CRYBG3: variants seen among roughly 807,000 people sequenced by gnomAD.
CRYBG3 encodes the protein very large A-kinase anchor protein.
A neutral mutation model predicts 244.2 loss-of-function variants in CRYBG3; 127 were observed. The observed-to-expected ratio is 0.52, with a 90% confidence interval of 0.45 to 0.60. The LOEUF is 0.60. CRYBG3 is among the 20% of genes least tolerant of loss of function. The probability of loss-of-function intolerance (pLI) is 0.00; values close to 1 mark genes in which losing one functional copy is unlikely to be tolerated. For missense variants in CRYBG3, 3,325 were observed against 3,442.5 expected (o/e 0.97, Z 0.85); for synonymous variants, 1,132 against 1,195.8 (o/e 0.95, Z 1.10).
In CRYBG3 at chr3:97,873,605, C is replaced by A; in HGVS notation, c.2411C>A (p.Ser804Tyr). The A allele has an allele frequency of 6.5e-7, 1 of 1,534,338 alleles. No homozygotes were observed. Residue 804 changes from serine (S) to tyrosine (Y), a missense_variant, in exon 4 of 22, where the codon TCC becomes TAC. Transcript: ENST00000389622. ...MSIIEKSDSL[S>Y]LEAKTANIVS... Reference sequence around the variant, plus strand: ...ATAATAGAGAAGTCTGATTCTCTTTCCTTGGAAGCCAAAACTGCTAACATT... The same window carrying A: ...ATAATAGAGAAGTCTGATTCTCTTTACTTGGAAGCCAAAACTGCTAACATT...
Position 97,899,950 on chromosome 3 carries a change from A to C in CRYBG3, c.7972-503A>C, listed in dbSNP as rs548075464. Among the ~76,000 whole-genome samples, 27 of 152,344 alleles carry C rather than the reference A, an allele frequency of 1.8e-4. No individual in the cohort carries two copies. In the South Asian group the frequency reaches 3.5e-3, roughly 20 times the overall value. ...TTTTCTTCCACCTACAATATTACTT[A>C]ATATGAATTAGTTATAAATACCAAA... On this transcript the variant is annotated intron_variant, in intron 14 of 21. Coordinates refer to ENST00000389622, the MANE Select transcript of CRYBG3 (RefSeq NM_153605.4).
chr3:97,858,995 T>A (rs766634273), intron 2 of CRYBG3, among the ~76,000 whole-genome samples: 27 of 151,972 alleles, frequency 1.8e-4, no homozygotes, highest in Non-Finnish European at 3.5e-4. Flanking sequence ...ATGTGATACA[T>A]GGTGTCTGGC....
At chr3:97,938,612 A>ATT (rs2040189882) in intron 19 of CRYBG3, among the ~76,000 whole-genome samples, 1 of 151,968 alleles carries the variant, frequency 6.6e-6, no homozygotes. Context: ...TGGCTCTGCC[A>ATT]TTTGTAAGCA....
At chr3:97,871,207 G>A (rs1244900797) in intron 3 of CRYBG3, among the ~76,000 whole-genome samples, 1 of 152,112 alleles carries the variant, frequency 6.6e-6, no homozygotes, top group Non-Finnish European at 1.5e-5. Context: ...TTTTGCATTT[G>A]CCCAAGCAGT....
chr3:97,941,420 GTGT>G, intron 20 of CRYBG3, 114 bp downstream of exon 20: 1 of 683,768 alleles, frequency 1.5e-6, no homozygotes, highest in Non-Finnish European at 2.3e-6. Flanking sequence ...TTAGAAACAG[GTGT>G]TGATTATAAA....
At chr3:97,918,921 T>C (rs1031272196) in intron 17 of CRYBG3, among the ~76,000 whole-genome samples, 2 of 152,158 alleles carry the variant, frequency 1.3e-5, no homozygotes, top group Admixed American at 1.3e-4. Flanking sequence ...TCCACTCACA[T>C]TCTGTTTCCA....
chr3:97,837,454 T>G (rs369222254), intron 1 of CRYBG3, among the ~76,000 whole-genome samples: 2 of 152,268 alleles, frequency 1.3e-5, no homozygotes, highest in East Asian at 3.9e-4. Flanking sequence ...AGATTTGCCC[T>G]GATTCTTTTT....
intron 10 of CRYBG3, among the ~76,000 whole-genome samples, chr3:97,891,865 T>A (rs2039580685): frequency 6.6e-6 from 1 of 152,170 alleles, no homozygotes; most frequent in Non-Finnish European, 1.5e-5. Context: ...GTTTTTCTGC[T>A]AAAGCTTTGG....
intron 1 of CRYBG3, among the ~76,000 whole-genome samples, chr3:97,829,188 GC>G (rs2038620882): frequency 6.6e-6 from 1 of 152,166 alleles, no homozygotes. Flanking sequence ...GAGAGAGAAT[GC>G]ACTACATTAA....
intron 19 of CRYBG3, among the ~76,000 whole-genome samples, chr3:97,937,374 C>A (rs1000128156): frequency 6.6e-6 from 1 of 152,032 alleles, no homozygotes; most frequent in Non-Finnish European, 1.5e-5. Flanking sequence ...TACCCGCTAC[C>A]CCACCTTGCT....
intron 1 of CRYBG3, among the ~76,000 whole-genome samples, chr3:97,824,400 T>A (rs1250519934): frequency 1.3e-5 from 2 of 152,176 alleles, no homozygotes; most frequent in Non-Finnish European, 2.9e-5. Flanking sequence ...GAGTACAAAA[T>A]TAAAAAATAA....
intron 1 of CRYBG3, among the ~76,000 whole-genome samples, chr3:97,824,016 T>C (rs2038545108): frequency 6.6e-6 from 1 of 152,244 alleles, no homozygotes; most frequent in Non-Finnish European, 1.5e-5. Context: ...AAGATTTTAA[T>C]TGTGCTTATA....
chr3:97,900,489 T>G lies in CRYBG3; in HGVS notation c.8004+4T>G, dbSNP rs1559737850. 6.5e-7 allele frequency: 1 copy of G among 1,527,954 alleles called. No individual in the cohort carries two copies. Among genetic ancestry groups the G allele is most frequent in the Non-Finnish European group, 9.0e-7 (1 of 1,105,172 alleles). The allele number at this position is 1,527,954 out of a possible 1,614,324, so 94.6% of individuals were successfully genotyped here. ...GATAAATGAACCTCCGCATTTGGTA[T>G]GTTTAAAAATATTCTTGTAATTGTT... On this transcript the variant is annotated splice_donor_region_variant and intron_variant, in intron 15 of 21. Transcript: ENST00000389622.
chr3:97,831,854 T>G (rs2038658104), intron 1 of CRYBG3, among the ~76,000 whole-genome samples: 2 of 152,156 alleles, frequency 1.3e-5, no homozygotes, highest in Admixed American at 1.3e-4. Flanking sequence ...CTGTCCTGAA[T>G]GCTGTTATTC....
rs2039305308 is a variant in CRYBG3, at chr3:97,871,774, A to G, written c.648-68A>G. The stretch of plus-strand genomic sequence containing the variant: ...TGTTTAAAAGATGTACTTTTACCAC[A>G]GTTGCTGGGATTAGTATTAAGTATT... On this transcript the variant is annotated intron_variant, in intron 3 of 21. Coordinates refer to ENST00000389622, the MANE Select transcript of CRYBG3 (RefSeq NM_153605.4). 2.7e-6 allele frequency: 3 copies of G among 1,131,306 alleles called. No homozygotes were observed. The African/African-American group carries it at 4.8e-5, about 18-fold the overall frequency. The allele number at this position is 1,131,306 out of a possible 1,614,324, so 70.1% of individuals were successfully genotyped here.
intron 11 of CRYBG3, 124 bp from the exon 12 acceptor site, chr3:97,895,835 A>G: frequency 1.3e-6 from 1 of 787,376 alleles, no homozygotes; most frequent in Non-Finnish European, 2.0e-6. Context: ...ATGAAACAAA[A>G]CTAATGTGTT....
intron 2 of CRYBG3, among the ~76,000 whole-genome samples, chr3:97,844,018 G>C (rs1013457114): frequency 6.6e-6 from 1 of 151,950 alleles, no homozygotes; most frequent in Non-Finnish European, 1.5e-5. Flanking sequence ...AAATTAGCTT[G>C]GTCAGTAGAA....
chr3:97,911,084 C>T (rs572588880), intron 15 of CRYBG3, among the ~76,000 whole-genome samples: 1 of 152,292 alleles, frequency 6.6e-6, no homozygotes, highest in Non-Finnish European at 1.5e-5. Flanking sequence ...AGTTTTCTCA[C>T]CTCCCTGATT....
chr3:97,831,894 TTTCCTCTTATTAA>T (rs2038658693), intron 1 of CRYBG3, among the ~76,000 whole-genome samples: 1 of 152,176 alleles, frequency 6.6e-6, no homozygotes, highest in African/African-American at 2.4e-5. Flanking sequence ...TGATAGCTTA[TTTCCTCTTATTAA>T]TTGCTTTACC....
Sources: gnomAD v4.1 joint callset for allele counts (sites outside exome capture counted in the v4.1 genomes callset) on GRCh38, gnomAD v4.1.1 for gene constraint, MANE v1.5 for transcripts, NCBI Gene and HGNC (gene_info 2026-07-23, HGNC 2026-07-21) for gene names.